The following NCLN variants were observed in gnomAD, a reference collection of about 807,000 sequenced individuals.
The protein encoded by NCLN is nicalin, also known as BOS complex subunit NCLN.
A neutral mutation model predicts 69.5 loss-of-function variants in NCLN; 34 were observed. The observed-to-expected ratio is 0.49, with a 90% confidence interval of 0.37 to 0.65. The LOEUF is 0.65. Ranked by LOEUF, NCLN falls within the 30% of genes least tolerant of loss-of-function variation. The pLI is 0.00. For missense variants in NCLN, 710 were observed against 804.8 expected, an observed-to-expected ratio of 0.88 and a Z score of 1.42; for synonymous variants, 393 against 358.3, an observed-to-expected ratio of 1.10 and a Z score of -1.09.
Position 3,190,637 on chromosome 19 carries a change from C to T in NCLN, c.185-1833C>T, listed in dbSNP as rs963910832. Among the ~76,000 whole-genome samples, 3 of 152,158 alleles carry T rather than the reference C, an allele frequency of 2.0e-5. No individual in the cohort carries two copies. In the South Asian group the frequency reaches 6.2e-4, roughly 31 times the overall value. On this transcript the variant is annotated intron_variant, in intron 1 of 14. Transcript: ENST00000246117. ...CAGCATCCAGCATCCACCTTCAGAG[C>T]GAGGCTGGCTCCCACGGGGACGCTG... is the stretch of plus-strand genomic sequence containing the variant.
intron 5 of NCLN, among the ~76,000 whole-genome samples, chr19:3,200,127 C>T (rs1916087365): frequency 1.3e-5 from 2 of 152,006 alleles, no homozygotes; most frequent in African/African-American, 4.8e-5. Context: ...CCTGGTCCCG[C>T]TGGGCCCACA....
chr19:3,196,289 C>T lies in NCLN; in HGVS notation c.615+12C>T, dbSNP rs766782078. 3 of 1,533,628 alleles carry T rather than the reference C, an allele frequency of 2.0e-6. No homozygotes were observed. The South Asian group carries it at 3.6e-5, about 18-fold the overall frequency. ...TTGCCAGCGTGGAGGTGAGTGCCGC[C>T]TGCCCCGGAGCCAGCCCCACGTCCC... On this transcript the variant is annotated intron_variant, in intron 4 of 14. Coordinates refer to ENST00000246117, the MANE Select transcript of NCLN (RefSeq NM_020170.4).
At chr19:3,199,647 G>C (rs1415613658) in intron 5 of NCLN, among the ~76,000 whole-genome samples, 4 of 151,946 alleles carry the variant, frequency 2.6e-5, no homozygotes, top group East Asian at 1.9e-4. Context: ...GAGTGGGGTG[G>C]GGGGGCATGT....
intron 11 of NCLN, 27 bp downstream of exon 11, chr19:3,206,217 TG>T: frequency 5.3e-6 from 1 of 187,186 alleles, no homozygotes; most frequent in South Asian, 5.0e-5. Flanking sequence ...AGTGGGTGGG[TG>T]GGTGGGCGGG....
At chr19:3,188,949 C>T (rs367947621) in intron 1 of NCLN, among the ~76,000 whole-genome samples, 4 of 152,244 alleles carry the variant, frequency 2.6e-5, no homozygotes, top group East Asian at 3.8e-4. Flanking sequence ...GAAGCCCCAG[C>T]GTGCTGCCTT....
chr19:3,199,188 C>T (rs753092613), intron 5 of NCLN, among the ~76,000 whole-genome samples: 23 of 152,220 alleles, frequency 1.5e-4, no homozygotes, highest in Non-Finnish European at 1.2e-4. Context: ...CGCTGGGTGC[C>T]GTGGCTCCAC....
At chr19:3,202,842 G>A (rs1427485476) in intron 6 of NCLN, among the ~76,000 whole-genome samples, 3 of 152,138 alleles carry the variant, frequency 2.0e-5, no homozygotes, top group Non-Finnish European at 1.5e-5. Flanking sequence ...TGTGAACGGG[G>A]CTGGTTTCTG....
intron 6 of NCLN, among the ~76,000 whole-genome samples, chr19:3,202,642 G>T (rs1181436668): frequency 6.6e-6 from 1 of 152,176 alleles, no homozygotes; most frequent in Non-Finnish European, 1.5e-5. Flanking sequence ...TCATGTCCTG[G>T]TTCAGGCAGG....
intron 1 of NCLN, among the ~76,000 whole-genome samples, chr19:3,190,030 C>G (rs148978372): frequency 1.2e-4 from 19 of 152,318 alleles, no homozygotes; most frequent in African/African-American, 4.6e-4. Flanking sequence ...TGCGGGAGCT[C>G]GAGGCCCGGA....
chr19:3,202,640 T>G (rs1916156257), intron 6 of NCLN, among the ~76,000 whole-genome samples: 1 of 152,198 alleles, frequency 6.6e-6, no homozygotes, highest in Non-Finnish European at 1.5e-5. Context: ...AGTCATGTCC[T>G]GGTTCAGGCA....
chr19:3,204,808 CTGG>C, intron 9 of NCLN, 57 bp downstream of exon 9: 1 of 1,372,916 alleles, frequency 7.3e-7, no homozygotes, highest in East Asian at 2.9e-5. Context: ...GGCTGAGCCA[CTGG>C]TCGCAACTGC....
At chr19:3,201,673 G>A (rs892379481) in intron 6 of NCLN, 47 bp downstream of exon 6, 35 of 1,347,800 alleles carry the variant, frequency 2.6e-5, no homozygotes, top group African/African-American at 4.4e-5. Context: ...GGGCCACACT[G>A]CCGGACAGCG....
At chr19:3,191,814 C>T (rs541440729) in intron 1 of NCLN, among the ~76,000 whole-genome samples, 3 of 152,276 alleles carry the variant, frequency 2.0e-5, no homozygotes, top group African/African-American at 4.8e-5. Context: ...AGAGGTTTGC[C>T]GAGCCCTGGT....
At position 3,192,565 on chromosome 19, in the gene NCLN, T is replaced by C. The variant is rs1280566325; in HGVS notation, c.280T>C (p.Tyr94His). 30 of 1,609,788 alleles carry C rather than the reference T, an allele frequency of 1.9e-5. No homozygotes were observed. Among genetic ancestry groups the C allele is most frequent in the Non-Finnish European group, 2.5e-5 (30 of 1,178,590 alleles). Residue 94 changes from tyrosine to histidine, a missense_variant, in exon 2 of 15, where the codon TAC (tyrosine) becomes CAC (histidine). Physicochemically the swap from Tyr to His is moderately conservative, Grantham distance 83. Coordinates refer to ENST00000246117, the MANE Select transcript of NCLN (RefSeq NM_020170.4). ...GCTCATGCGGCTACTGGACTTCTCC[T>C]ACGAGCAGTACCAGAAGGCCCTGCG... is the stretch of plus-strand genomic sequence containing the variant. The part of the protein sequence containing the change: ...CVLMRLLDFS[Y>H]EQYQKALRQS...
In NCLN at chr19:3,208,432, T is replaced by C. The variant is rs312072; in HGVS notation, c.*744T>C. On this transcript the variant is annotated 3_prime_UTR_variant, in exon 15 of 15. Coordinates refer to ENST00000246117, the MANE Select transcript of NCLN (RefSeq NM_020170.4). ...GACCCACTGCAAATCCCCGTTCCCCTGCACTCCTCTTCTCCCAGCCCATCC... is the reference window on the plus strand; with the variant it reads ...GACCCACTGCAAATCCCCGTTCCCCCGCACTCCTCTTCTCCCAGCCCATCC... 40,300 of 151,384 alleles carry C rather than the reference T, an allele frequency of 0.27. 5,648 individuals are homozygous for C. The highest frequency in any genetic ancestry group is 0.4 in the East Asian group (2,024 of 5,076). 9.4% of individuals were successfully genotyped at this position (151,384 alleles called of 1,614,324 possible).
chr19:3,203,771 C>G lies in NCLN; in HGVS notation c.816C>G (p.Phe272Leu). ...KRTHAAYNLLFFASGGGKFNY... is the reference protein window; with the variant it reads ...KRTHAAYNLLLFASGGGKFNY... ...TCCCTCCCAGCTACAACCTCCTGTT[C>G]TTTGCGTCTGGAGGAGGCAAGTTTA... Residue 272 changes from phenylalanine (F) to leucine (L), a missense_variant, in exon 7 of 15, where the codon TTC (phenylalanine) becomes TTG (leucine). Coordinates refer to ENST00000246117, the MANE Select transcript of NCLN (RefSeq NM_020170.4). 6.2e-7 allele frequency: 1 copy of G among 1,612,762 alleles called. No individual in the cohort carries two copies. Among genetic ancestry groups the G allele is most frequent in the Non-Finnish European group, 8.5e-7 (1 of 1,179,622 alleles).
chr19:3,203,959 C>A, intron 7 of NCLN, 46 bp from the exon 8 acceptor site: 2 of 1,541,994 alleles, frequency 1.3e-6, no homozygotes, highest in Non-Finnish European at 1.7e-6. Flanking sequence ...GGCCGGGGGC[C>A]ACTTCCTGGT....
intron 12 of NCLN, 34 bp downstream of exon 12, chr19:3,206,459 C>G (rs1026032331): frequency 6.5e-7 from 1 of 1,528,286 alleles, no homozygotes; most frequent in African/African-American, 1.4e-5. Context: ...CCCCGTTCAG[C>G]CTGGGGCCGA....
chr19:3,186,498 C>G (rs1225902931), intron 1 of NCLN, among the ~76,000 whole-genome samples: 1 of 152,224 alleles, frequency 6.6e-6, no homozygotes, highest in Non-Finnish European at 1.5e-5. Flanking sequence ...TCCCGCGTCC[C>G]TGGAGCCCTA....
Sources: allele counts gnomAD v4.1 joint callset (sites outside exome capture counted in the v4.1 genomes callset), GRCh38; gene constraint gnomAD v4.1.1; transcripts MANE v1.5; gene names NCBI Gene and HGNC (gene_info 2026-07-23, HGNC 2026-07-21).